CADM2: variants seen among roughly 807,000 people sequenced by gnomAD.
CADM2 encodes the protein immunoglobulin superfamily member 4D.
CADM2 carries 12 observed loss-of-function variants against 49.8 expected under a neutral mutation model. The observed-to-expected ratio is 0.24, with a 90% confidence interval of 0.15 to 0.39. CADM2 has a LOEUF of 0.39. Ranked by LOEUF, CADM2 falls within the 10% of genes least tolerant of loss-of-function variation. CADM2 has a pLI of 1.00. For synonymous variants in CADM2, 214 were observed against 175.4 expected, an observed-to-expected ratio of 1.22 and a Z score of -1.74; for missense variants, 378 against 492.3, an observed-to-expected ratio of 0.77 and a Z score of 2.20.
At chr3:85,009,885 A>C (rs944722906) in intron 1 of CADM2, among the ~76,000 whole-genome samples, 7 of 149,368 alleles carry the variant, frequency 4.7e-5, no homozygotes, top group African/African-American at 9.8e-5. Context: ...ATAAATAAAT[A>C]AATAAATAAA....
intron 1 of CADM2, among the ~76,000 whole-genome samples, chr3:85,461,592 C>G (rs1453084005): frequency 6.6e-6 from 1 of 152,106 alleles, no homozygotes; most frequent in Non-Finnish European, 1.5e-5. Context: ...GCACCTGTCC[C>G]TTTACTTTTA....
intron 1 of CADM2, among the ~76,000 whole-genome samples, chr3:85,217,681 A>G (rs2041959799): frequency 6.6e-6 from 1 of 152,050 alleles, no homozygotes; most frequent in African/African-American, 2.4e-5. Context: ...AAATTTGGGG[A>G]ATCACTTGTG....
At chr3:85,141,309 AAT>A (rs2039568891) in intron 1 of CADM2, among the ~76,000 whole-genome samples, 2 of 152,256 alleles carry the variant, frequency 1.3e-5, no homozygotes, top group Admixed American at 1.3e-4. Flanking sequence ...TAATCTTTTA[AAT>A]TGGGATGACA....
At chr3:85,797,486 CT>C (rs2071698060) in intron 2 of CADM2, among the ~76,000 whole-genome samples, 1 of 152,154 alleles carries the variant, frequency 6.6e-6, no homozygotes, top group African/African-American at 2.4e-5. Flanking sequence ...TCAACTCCCA[CT>C]TATGAGTGAG....
chr3:85,189,200 T>G (rs1405313011), intron 1 of CADM2, among the ~76,000 whole-genome samples: 1 of 152,048 alleles, frequency 6.6e-6, no homozygotes, highest in East Asian at 1.9e-4. Context: ...TAGCTGTAAG[T>G]GGAGCCATGT....
chr3:85,960,989 A>C (rs1724737989), intron 7 of CADM2, among the ~76,000 whole-genome samples: 1 of 147,036 alleles, frequency 6.8e-6, no homozygotes, highest in Non-Finnish European at 1.5e-5. Context: ...TATTATAATA[A>C]GTATTATTTA....
intron 1 of CADM2, among the ~76,000 whole-genome samples, chr3:85,532,194 T>A (rs200914292): frequency 1.0e-4 from 7 of 68,988 alleles, no homozygotes; most frequent in Admixed American, 5.6e-4. Flanking sequence ...ATAATAATAA[T>A]AAAAAAATAA....
intron 1 of CADM2, among the ~76,000 whole-genome samples, chr3:85,543,428 GT>G (rs1163458822): frequency 4.6e-5 from 3 of 65,276 alleles, no homozygotes; most frequent in African/African-American, 1.0e-4. Context: ...TAATGTGTGT[GT>G]GTGTGTGTGT....
At chr3:85,452,454 C>T (rs2037790866) in intron 1 of CADM2, among the ~76,000 whole-genome samples, 1 of 152,074 alleles carries the variant, frequency 6.6e-6, no homozygotes, top group Non-Finnish European at 1.5e-5. Flanking sequence ...TATATAATTA[C>T]AATAGTACTG....
At chr3:85,449,052 A>AAATAATAATAATAAGAATAAT (rs2037618757) in intron 1 of CADM2, among the ~76,000 whole-genome samples, 1 of 107,404 alleles carries the variant, frequency 9.3e-6, no homozygotes, top group Non-Finnish European at 2.1e-5. Flanking sequence ...TCCAACTCAA[A>AAATAATAATAATAAGAATAAT]AATAATAATA....
At chr3:85,229,622 C>A (rs1433121010) in intron 1 of CADM2, among the ~76,000 whole-genome samples, 2 of 152,134 alleles carry the variant, frequency 1.3e-5, no homozygotes, top group Non-Finnish European at 2.9e-5. Context: ...GGCAAAAAAT[C>A]CTTTAAAAGA....
intron 1 of CADM2, among the ~76,000 whole-genome samples, chr3:85,195,643 C>G (rs2041326820): frequency 6.6e-6 from 1 of 151,784 alleles, no homozygotes; most frequent in Non-Finnish European, 1.5e-5. Flanking sequence ...AGCTTGAAGT[C>G]TGCAACAAAG....
chr3:86,050,423 G>A (rs1325938244), intron 8 of CADM2, among the ~76,000 whole-genome samples: 1 of 152,122 alleles, frequency 6.6e-6, no homozygotes, highest in Non-Finnish European at 1.5e-5. Flanking sequence ...AGCTGTCAGT[G>A]GATCTACCAT....
At chr3:85,757,630 G>A (rs1245849190) in intron 2 of CADM2, among the ~76,000 whole-genome samples, 1 of 152,030 alleles carries the variant, frequency 6.6e-6, no homozygotes, top group East Asian at 1.9e-4. Flanking sequence ...GATACTGAAG[G>A]GATGGGCTAC....
chr3:85,644,531 T>A (rs1271377411), intron 1 of CADM2, among the ~76,000 whole-genome samples: 2 of 152,134 alleles, frequency 1.3e-5, no homozygotes, highest in East Asian at 3.9e-4. Context: ...GCCCGGTTAC[T>A]TTCACTGCCC....
intron 1 of CADM2, among the ~76,000 whole-genome samples, chr3:85,302,538 T>A (rs2044125990): frequency 6.6e-6 from 1 of 152,092 alleles, no homozygotes; most frequent in Admixed American, 6.6e-5. Context: ...TGTCAATATA[T>A]GTGAATTTTA....
At chr3:85,992,213 T>A (rs1009673404) in intron 8 of CADM2, 1 of 152,096 alleles carries the variant, frequency 6.6e-6, no homozygotes, top group Non-Finnish European at 1.5e-5. Flanking sequence ...TTTAAACATA[T>A]GCATGTGTAC....
intron 8 of CADM2, among the ~76,000 whole-genome samples, chr3:85,987,546 C>A (rs1269886183): frequency 1.4e-5 from 2 of 147,714 alleles, no homozygotes; most frequent in Non-Finnish European, 3.0e-5. Context: ...CAGTATAAAC[C>A]ATTAAAAAAT....
At chr3:85,464,452 T>G (rs1156907256) in intron 1 of CADM2, among the ~76,000 whole-genome samples, 1 of 152,154 alleles carries the variant, frequency 6.6e-6, no homozygotes, top group Non-Finnish European at 1.5e-5. Flanking sequence ...CGTTTAAACT[T>G]CCTGAATATG....
Sources: gnomAD v4.1 joint callset for allele counts (sites outside exome capture counted in the v4.1 genomes callset) on GRCh38, gnomAD v4.1.1 for gene constraint, MANE v1.5 for transcripts, NCBI Gene and HGNC (gene_info 2026-07-23, HGNC 2026-07-21) for gene names.